Variants in MIGA1 observed in about 807,000 individuals in gnomAD.
MIGA1 encodes mitoguardin 1.
A neutral mutation model predicts 82.0 loss-of-function variants in MIGA1; 58 were observed. That is an observed-to-expected ratio of 0.71 (90% CI 0.57 to 0.88). MIGA1 has a LOEUF of 0.88. MIGA1 is among the 40% of genes least tolerant of loss of function. The pLI, the probability that MIGA1 is intolerant of heterozygous loss-of-function variation, is 0.00. For synonymous variants in MIGA1, 249 were observed against 253.6 expected (o/e 0.98, Z 0.17); for missense variants, 751 against 749.1 (o/e 1.00, Z -0.03).
intron 15 of MIGA1, among the ~76,000 whole-genome samples, chr1:77,874,197 C>T (rs894866124): frequency 3.9e-5 from 6 of 151,996 alleles, no homozygotes; most frequent in African/African-American, 1.4e-4. Flanking sequence ...GACATAATAG[C>T]TGAGACTTAA....
intron 8 of MIGA1, among the ~76,000 whole-genome samples, chr1:77,851,082 C>T (rs1263608694): frequency 6.6e-6 from 1 of 152,170 alleles, no homozygotes; most frequent in Non-Finnish European, 1.5e-5. Flanking sequence ...ATTGGCCAGG[C>T]TGGTCTTGAA....
chr1:77,834,373 G>A (rs952478179), intron 7 of MIGA1, among the ~76,000 whole-genome samples: 4 of 151,944 alleles, frequency 2.6e-5, no homozygotes, highest in South Asian at 2.1e-4. Context: ...ATGGGATTTC[G>A]GTATGTTGCT....
At chr1:77,866,250 T>C in intron 13 of MIGA1, 88 bp from the exon 14 acceptor site, 1 of 1,243,242 alleles carries the variant, frequency 8.0e-7, no homozygotes, top group Non-Finnish European at 1.2e-6. Flanking sequence ...TATTGAACGT[T>C]TTAGACCCAT....
At chr1:77,788,043 A>G (rs1234376169) in intron 2 of MIGA1, among the ~76,000 whole-genome samples, 1 of 148,930 alleles carries the variant, frequency 6.7e-6, no homozygotes, top group African/African-American at 2.5e-5. Context: ...TTAGAGTGCA[A>G]TGGCGCAATC....
At chr1:77,826,293 A>AT (rs1684025028) in intron 7 of MIGA1, among the ~76,000 whole-genome samples, 3 of 152,344 alleles carry the variant, frequency 2.0e-5, no homozygotes, top group Admixed American at 2.0e-4. Context: ...AAGTAAAAAA[A>AT]GGTGCTTTTT....
At position 77,803,342 on chromosome 1, in the gene MIGA1, T is replaced by A; in HGVS notation, c.446T>A (p.Val149Asp). 1 of 1,571,460 alleles carries A rather than the reference T, an allele frequency of 6.4e-7. No individual in the cohort carries two copies. Among genetic ancestry groups the A allele is most frequent in the Non-Finnish European group, 8.6e-7 (1 of 1,156,358 alleles). Residue 149 changes from valine to aspartate, a missense_variant, in exon 4 of 16, where the codon GTT becomes GAT. By Grantham distance (152) the Val-to-Asp change is radical (BLOSUM62 -3). This residue lies in a region of MIGA1 where 482 missense variants were observed against 439.4 expected (regional missense o/e 1.10). Transcript: ENST00000370791. Reference sequence around the variant, plus strand: ...TCTACCAAAGACAAAGGATCTCAAGTTTGTAACTATGCTAATGGAGGACTT... The same window carrying A: ...TCTACCAAAGACAAAGGATCTCAAGATTGTAACTATGCTAATGGAGGACTT...
chr1:77,868,939 T>A (rs960162594), intron 14 of MIGA1, among the ~76,000 whole-genome samples: 57 of 149,364 alleles, frequency 3.8e-4, no homozygotes, highest in African/African-American at 1.2e-3. Flanking sequence ...TTAATTTATT[T>A]ATTTTTTTTT....
intron 7 of MIGA1, among the ~76,000 whole-genome samples, chr1:77,826,621 G>A (rs1684035685): frequency 1.3e-5 from 2 of 152,058 alleles, no homozygotes; most frequent in Admixed American, 6.6e-5. Context: ...GACTACAGGC[G>A]TGAACTACCA....
rs1023813970 is a variant in MIGA1, at chr1:77,875,177, GAAAA to G, written c.*119_*122del. 6.1e-6 allele frequency: 5 copies of G among 824,208 alleles called. No homozygotes were observed. The Admixed American group carries it at 8.7e-5, about 14-fold the overall frequency. 51.1% of individuals were successfully genotyped at this position (824,208 alleles called of 1,614,324 possible). ...AATTGATGCATGTGGATTCAGGGAG[GAAAA>G]AAAAATCTACTAAAAAATGAGCAAC... On this transcript the variant is annotated 3_prime_UTR_variant, in exon 16 of 16. Transcript: ENST00000370791.
chr1:77,866,486 TGTAGGAGGG>T, intron 14 of MIGA1, 95 bp downstream of exon 14: 2 of 1,157,202 alleles, frequency 1.7e-6, no homozygotes, highest in Non-Finnish European at 2.6e-6. Context: ...AATTGGCAGC[TGTAGGAGGG>T]GTAGGAGGGA....
chr1:77,848,382 G>A, intron 8 of MIGA1: 1 of 1,077,348 alleles, frequency 9.3e-7, no homozygotes, highest in South Asian at 1.4e-5. Flanking sequence ...CAAAGCAAAG[G>A]AAGAGCGTAT....
chr1:77,830,479 G>A (rs1388325516), intron 7 of MIGA1, among the ~76,000 whole-genome samples: 3 of 152,066 alleles, frequency 2.0e-5, no homozygotes, highest in Non-Finnish European at 4.4e-5. Flanking sequence ...ATTTGACATA[G>A]GTTCTTTTGG....
intron 14 of MIGA1, chr1:77,868,735 A>G (rs530572383): frequency 1.7e-4 from 26 of 152,276 alleles, no homozygotes; most frequent in African/African-American, 5.1e-4. Context: ...TCAAGTCTGT[A>G]TGGTATTTAG....
intron 8 of MIGA1, among the ~76,000 whole-genome samples, chr1:77,854,544 T>C (rs190757219): frequency 1.4e-4 from 22 of 152,324 alleles, no homozygotes; most frequent in African/African-American, 4.6e-4. Context: ...CCCTGATCAC[T>C]GCATCCACAC....
intron 5 of MIGA1, among the ~76,000 whole-genome samples, 159 bp from the exon 6 acceptor site, chr1:77,813,575 T>C (rs1192512670): frequency 6.6e-6 from 1 of 152,232 alleles, no homozygotes; most frequent in African/African-American, 2.4e-5. Context: ...TGAGAATGTA[T>C]TGGGAAACTA....
In MIGA1 at chr1:77,878,509, G is replaced by T; in HGVS notation, c.*3445G>T. ...AAAATGATTAGTTTAGAGCCTTTTA[G>T]GGTAAACCCTGTTTAAACACTTAAT... On this transcript the variant is annotated 3_prime_UTR_variant, in exon 16 of 16. Coordinates refer to ENST00000370791, the MANE Select transcript of MIGA1 (RefSeq NM_198549.4). The T allele has an allele frequency of 4.6e-6, 1 of 217,382 alleles. No homozygotes were observed. The highest frequency in any genetic ancestry group is 8.9e-6 in the Non-Finnish European group (1 of 112,098). The allele number at this position is 217,382 out of a possible 1,614,324, so 13.5% of individuals were successfully genotyped here. A position where few individuals can be genotyped will look rare whatever the true frequency, so the allele number is the denominator to read the frequency against.
At chr1:77,855,904 C>T (rs1685235803) in intron 8 of MIGA1, among the ~76,000 whole-genome samples, 1 of 152,072 alleles carries the variant, frequency 6.6e-6, no homozygotes, top group South Asian at 2.1e-4. Context: ...TGTCTGATTG[C>T]TCTGGCTAGG....
intron 3 of MIGA1, among the ~76,000 whole-genome samples, chr1:77,802,080 A>T (rs958655525): frequency 6.6e-6 from 1 of 152,102 alleles, no homozygotes. Flanking sequence ...CTTTTAAAGG[A>T]TCTTTAATTT....
chr1:77,832,754 C>T (rs1241014900), intron 7 of MIGA1, among the ~76,000 whole-genome samples: 1 of 152,074 alleles, frequency 6.6e-6, no homozygotes, highest in Non-Finnish European at 1.5e-5. Flanking sequence ...TTATGAAGGT[C>T]CTTGCTTTGT....
Sources: gnomAD v4.1 joint callset for allele counts (sites outside exome capture counted in the v4.1 genomes callset) on GRCh38, gnomAD v4.1.1 for gene constraint, gnomAD v4.1.1 regional missense constraint, MANE v1.5 for transcripts, NCBI Gene and HGNC (gene_info 2026-07-23, HGNC 2026-07-21) for gene names.